Variants in SERPINB7 observed in about 807,000 individuals in gnomAD.
SERPINB7 encodes serpin family B member 7, also known as serpin B7.
Under a neutral mutation model 37.4 loss-of-function variants are expected in SERPINB7, and 31 were observed. That is an observed-to-expected ratio of 0.83 (90% CI 0.62 to 1.12). SERPINB7 has a LOEUF of 1.12. Ranked by LOEUF, SERPINB7 falls within the 50% of genes most tolerant of loss-of-function variation. The pLI is 0.00. For missense variants in SERPINB7, 521 were observed against 455.3 expected, an observed-to-expected ratio of 1.14 and a Z score of -1.31; for synonymous variants, 163 against 166.1, an observed-to-expected ratio of 0.98 and a Z score of 0.14.
chr18:63,776,592 A>T (rs1361580856), intron 1 of SERPINB7, among the ~76,000 whole-genome samples: 1 of 150,442 alleles, frequency 6.6e-6, no homozygotes, highest in African/African-American at 2.5e-5. Flanking sequence ...AGATAGTGCG[A>T]ATTGAAAGAC....
chr18:63,759,535 A>C (rs1423405040), intron 1 of SERPINB7, among the ~76,000 whole-genome samples: 1 of 150,066 alleles, frequency 6.7e-6, no homozygotes. Context: ...TTTTCTTTCT[A>C]TTTGTTTTCT....
At chr18:63,763,206 A>G (rs1206674796) in intron 1 of SERPINB7, among the ~76,000 whole-genome samples, 3 of 152,196 alleles carry the variant, frequency 2.0e-5, no homozygotes, top group Admixed American at 6.5e-5. Context: ...GAGTTATTAC[A>G]GGAAATTGTT....
At position 63,798,689 on chromosome 18, in the gene SERPINB7, G is replaced by A; in HGVS notation, c.540G>A (p.Lys180=). ...VLVNAVYFKG[K]WQSAFTKSET... ...TGAATGCTGTGTACTTCAAAGGCAA[G>A]TGGCAATCAGCCTTCACCAAGAGCG... Residue 180 remains lysine, a synonymous_variant, in exon 6 of 8, where the codon AAG becomes AAA. Coordinates refer to ENST00000398019, the MANE Select transcript of SERPINB7 (RefSeq NM_003784.4). 1 of 1,613,112 alleles carries A rather than the reference G, an allele frequency of 6.2e-7. No individual in the cohort carries two copies. Among genetic ancestry groups the A allele is most frequent in the Non-Finnish European group, 8.5e-7 (1 of 1,179,634 alleles).
At chr18:63,764,227 G>A (rs1245853971) in intron 1 of SERPINB7, among the ~76,000 whole-genome samples, 1 of 152,224 alleles carries the variant, frequency 6.6e-6, no homozygotes, top group East Asian at 1.9e-4. Context: ...GTAGGATTAT[G>A]TGAGGGCAGT....
intron 2 of SERPINB7, among the ~76,000 whole-genome samples, chr18:63,791,682 C>T (rs2049429167): frequency 1.3e-5 from 2 of 152,078 alleles, no homozygotes; most frequent in East Asian, 1.9e-4. Context: ...GCTATCTCGG[C>T]TCACTGCAAG....
At chr18:63,778,976 A>T in intron 1 of SERPINB7, among the ~76,000 whole-genome samples, 1 of 152,208 alleles carries the variant, frequency 6.6e-6, no homozygotes, top group Non-Finnish European at 1.5e-5. Context: ...TATTTTTAGC[A>T]AAATGAAAAA....
intron 1 of SERPINB7, among the ~76,000 whole-genome samples, chr18:63,767,019 C>A (rs1329503693): frequency 3.3e-5 from 5 of 152,184 alleles, no homozygotes; most frequent in African/African-American, 9.7e-5. Flanking sequence ...TCCACTGCTA[C>A]ATCTCTGTTC....
In SERPINB7 at chr18:63,798,640, G is replaced by A. The variant is rs1253335288; in HGVS notation, c.491G>A (p.Ser164Asn). 6.2e-7 allele frequency: 1 copy of A among 1,600,368 alleles called. No individual in the cohort carries two copies. The highest frequency in any genetic ancestry group is 8.5e-7 in the Non-Finnish European group (1 of 1,174,066). The change falls in exon 6 of 8, where the codon AGC becomes AAC. Residue 164 changes from serine to asparagine, a missense_variant. Transcript: ENST00000398019. ...IKNVIGEGGI[S>N]SSAVMVLVNA... ...AACGTGATTGGTGAAGGTGGCATAA[G>A]CTCATCTGCTGTAATGGTGCTGGTG...
At chr18:63,758,725 T>C (rs2049135665) in intron 1 of SERPINB7, among the ~76,000 whole-genome samples, 1 of 152,200 alleles carries the variant, frequency 6.6e-6, no homozygotes, top group Middle Eastern at 3.2e-3. Flanking sequence ...ATCTTGGTGA[T>C]AGCATGTGAT....
rs200479020 is a variant in SERPINB7 at position 63,800,911 on chromosome 18, A to G, written c.643A>G (p.Asn215Asp). 6.2e-7 allele frequency: 1 copy of G among 1,613,990 alleles called. No individual in the cohort carries two copies. Among genetic ancestry groups the G allele is most frequent in the East Asian group, 2.2e-5 (1 of 44,860 alleles). Residue 215 changes from asparagine to aspartate, a missense_variant, in exon 7 of 8, where the codon AAT becomes GAT. Asn to Asp is a conservative substitution (Grantham distance 23). Coordinates refer to ENST00000398019, the MANE Select transcript of SERPINB7 (RefSeq NM_003784.4). The part of the protein sequence containing the change: ...VAMMHQERKF[N>D]LSVIEDPSMK... ...CATGATGCATCAGGAACGGAAGTTCAATTTGTCTGTTATTGAGGACCCATC... is the reference window on the plus strand; with the variant it reads ...CATGATGCATCAGGAACGGAAGTTCGATTTGTCTGTTATTGAGGACCCATC...
At chr18:63,755,607 T>C (rs1443741026) in intron 1 of SERPINB7, among the ~76,000 whole-genome samples, 1 of 152,168 alleles carries the variant, frequency 6.6e-6, no homozygotes, top group Non-Finnish European at 1.5e-5. Context: ...TAAGTCCCTA[T>C]TTAGGCCAGG....
At chr18:63,765,689 C>A (rs1271435222) in intron 1 of SERPINB7, among the ~76,000 whole-genome samples, 1 of 152,092 alleles carries the variant, frequency 6.6e-6, no homozygotes, top group Non-Finnish European at 1.5e-5. Context: ...ACTGCAGCTC[C>A]ATTCTTATAT....
chr18:63,782,803 C>G (rs1414203612), intron 2 of SERPINB7, among the ~76,000 whole-genome samples: 1 of 152,146 alleles, frequency 6.6e-6, no homozygotes, highest in Non-Finnish European at 1.5e-5. Context: ...AAGTGTGTTT[C>G]CCAGACCAGG....
chr18:63,754,788 T>C (rs949024232), intron 1 of SERPINB7, among the ~76,000 whole-genome samples: 4 of 151,806 alleles, frequency 2.6e-5, no homozygotes, highest in Middle Eastern at 3.2e-3. Context: ...AGTCTGATTT[T>C]CAAATTTATT....
At chr18:63,762,918 T>A (rs1455456014) in intron 1 of SERPINB7, among the ~76,000 whole-genome samples, 1 of 152,234 alleles carries the variant, frequency 6.6e-6, no homozygotes, top group Admixed American at 6.5e-5. Context: ...TTTAATTACC[T>A]GCATGTTCTT....
At chr18:63,769,120 G>A (rs1418052329) in intron 1 of SERPINB7, among the ~76,000 whole-genome samples, 1 of 152,080 alleles carries the variant, frequency 6.6e-6, no homozygotes, top group Non-Finnish European at 1.5e-5. Context: ...ATAACTTGGA[G>A]TTACAACTCA....
At chr18:63,796,802 T>C (rs2049493465) in intron 5 of SERPINB7, among the ~76,000 whole-genome samples, 1 of 152,180 alleles carries the variant, frequency 6.6e-6, no homozygotes, top group Admixed American at 6.5e-5. Context: ...AGCATAACAT[T>C]TCATTTAATA....
chr18:63,755,941 G>A (rs2049119401), intron 1 of SERPINB7, among the ~76,000 whole-genome samples: 1 of 152,024 alleles, frequency 6.6e-6, no homozygotes, highest in South Asian at 2.1e-4. Context: ...GAATCATTTT[G>A]TGAATAAAAA....
At chr18:63,801,301 T>C (rs902639267) in intron 7 of SERPINB7, among the ~76,000 whole-genome samples, 5 of 152,174 alleles carry the variant, frequency 3.3e-5, no homozygotes, top group African/African-American at 1.2e-4. Flanking sequence ...TTTAGGCCTT[T>C]TTGGTGTTTG....
Sources: gnomAD v4.1 joint callset for allele counts (sites outside exome capture counted in the v4.1 genomes callset) on GRCh38, gnomAD v4.1.1 for gene constraint, MANE v1.5 for transcripts, NCBI Gene and HGNC (gene_info 2026-07-23, HGNC 2026-07-21) for gene names.